KCND3: variants seen among roughly 807,000 people sequenced by gnomAD.
KCND3 encodes potassium voltage-gated channel subfamily D member 3.
In KCND3, 9 loss-of-function variants were observed where a neutral mutation model predicts 51.1. The ratio of observed to expected loss-of-function variants is 0.18; its 90% CI spans 0.11 to 0.31. The LOEUF is 0.31. Ranked by LOEUF, KCND3 falls within the 10% of genes least tolerant of loss-of-function variation. The pLI is 1.00. For synonymous variants in KCND3, 349 were observed against 368.0 expected (o/e 0.95, Z 0.59); for missense variants, 526 against 903.8 (o/e 0.58, Z 5.36).
Position 111,886,205 on chromosome 1 carries a change from A to G in KCND3, c.1106+95416T>C, listed in dbSNP as rs72979295. Among the ~76,000 whole-genome samples the G allele has an allele frequency of 4.4e-3, 666 of 152,344 alleles. 4 individuals carry two copies. Among genetic ancestry groups the G allele is most frequent in the African/African-American group, 0.016 (647 of 41,584 alleles). ...AGATGGTCACAGGCCATTAAGTCAA[A>G]CAACAAGCAGACCCACCAACATACA... is the stretch of plus-strand genomic sequence containing the variant. On this transcript the variant is annotated intron_variant, in intron 2 of 7. Coordinates refer to ENST00000302127, the MANE Select transcript of KCND3 (RefSeq NM_001378969.1).
At chr1:111,940,283 G>T (rs1489792519) in intron 2 of KCND3, among the ~76,000 whole-genome samples, 2 of 150,828 alleles carry the variant, frequency 1.3e-5, no homozygotes, top group East Asian at 1.9e-4. Context: ...TTGGTGTTTT[G>T]GTCATGGAGT....
chr1:111,890,856 T>C (rs1486400139), intron 2 of KCND3, among the ~76,000 whole-genome samples: 4 of 152,172 alleles, frequency 2.6e-5, no homozygotes, highest in African/African-American at 9.7e-5. Flanking sequence ...CAACCATCTC[T>C]TACCTGAGAG....
Position 111,780,597 on chromosome 1 carries a change from G to A in KCND3, c.1371+93C>T, listed in dbSNP as rs1664333187. ...ACGTGTCCTCCTTGGGGTTCATACT[G>A]GGGCTCTGGTGAGAGTGCTGGTGTC... On this transcript the variant is annotated intron_variant, in intron 4 of 7. Transcript: ENST00000302127. This position sits in a 1 kb window ranked among gnomAD's most constrained non-coding sequence, Gnocchi z 4.2. 5 of 1,137,468 alleles carry A rather than the reference G, an allele frequency of 4.4e-6. No individual in the cohort carries two copies. Among genetic ancestry groups the A allele is most frequent in the East Asian group, 5.1e-5 (2 of 39,106 alleles). 70.5% of individuals were successfully genotyped at this position (1,137,468 alleles called of 1,614,324 possible).
At chr1:111,916,129 T>C (rs1671207058) in intron 2 of KCND3, among the ~76,000 whole-genome samples, 1 of 152,202 alleles carries the variant, frequency 6.6e-6, no homozygotes, top group Non-Finnish European at 1.5e-5. Flanking sequence ...ATCCACATTG[T>C]CTTCAGGTGC....
intron 2 of KCND3, among the ~76,000 whole-genome samples, chr1:111,857,630 C>A (rs893193854): frequency 2.6e-5 from 4 of 151,672 alleles, no homozygotes; most frequent in African/African-American, 9.7e-5. Flanking sequence ...GCTGTCTTCT[C>A]CTCTCTGTTC....
At position 111,882,562 on chromosome 1, in the gene KCND3, G is replaced by A. The variant is rs541055508; in HGVS notation, c.1107-95456C>T. 1.8e-4 allele frequency among the ~76,000 whole-genome samples: 27 copies of A among 152,358 alleles called. No homozygotes were observed. In the South Asian group the frequency reaches 5.2e-3, roughly 29 times the overall value. On this transcript the variant is annotated intron_variant, in intron 2 of 7. Coordinates refer to ENST00000302127, the MANE Select transcript of KCND3 (RefSeq NM_001378969.1). The stretch of plus-strand genomic sequence containing the variant: ...ACAGTGTGCAACGGAGTCTCAGGGT[G>A]TGAGTGAAGGCTGGGGCCCAGGCCC...
intron 2 of KCND3, among the ~76,000 whole-genome samples, chr1:111,944,957 A>C (rs1051243095): frequency 3.9e-5 from 6 of 152,120 alleles, no homozygotes; most frequent in Admixed American, 3.9e-4. Flanking sequence ...CTGTCACTCA[A>C]CCATGAGCCC....
intron 2 of KCND3, among the ~76,000 whole-genome samples, chr1:111,819,667 C>T (rs1441886828): frequency 1.3e-5 from 2 of 152,282 alleles, no homozygotes; most frequent in Admixed American, 6.5e-5. Context: ...AGATCCCCCT[C>T]TGCACCTGCA....
intron 2 of KCND3, among the ~76,000 whole-genome samples, chr1:111,963,821 C>A (rs1263902575): frequency 1.3e-5 from 2 of 152,192 alleles, no homozygotes; most frequent in African/African-American, 4.8e-5. Context: ...GACAGAAACG[C>A]CTAGGCAGGC....
intron 2 of KCND3, among the ~76,000 whole-genome samples, chr1:111,797,374 G>A (rs540568511): frequency 3.9e-5 from 6 of 152,154 alleles, no homozygotes; most frequent in African/African-American, 4.8e-5. Flanking sequence ...GATTCCCTGC[G>A]CACTGTCTAC....
chr1:111,836,737 T>TGG (rs574350567), intron 2 of KCND3, among the ~76,000 whole-genome samples: 31,022 of 152,050 alleles, frequency 0.2, 3,266 homozygotes, highest in African/African-American at 0.23. Flanking sequence ...CAGCGACCCC[T>TGG]GAGCCATTTT....
chr1:111,934,629 T>C (rs964349897), intron 2 of KCND3, among the ~76,000 whole-genome samples: 15 of 152,288 alleles, frequency 9.8e-5, no homozygotes, highest in African/African-American at 3.4e-4. Flanking sequence ...CAAGTAGGCA[T>C]GTGAGTGTGT....
chr1:111,811,643 C>T (rs904586056), intron 2 of KCND3, among the ~76,000 whole-genome samples: 4 of 152,140 alleles, frequency 2.6e-5, no homozygotes, highest in African/African-American at 4.8e-5. Flanking sequence ...GATCGTCCAC[C>T]CCTAGGCCAT....
chr1:111,824,849 T>C (rs929002413), intron 2 of KCND3, among the ~76,000 whole-genome samples: 3 of 152,156 alleles, frequency 2.0e-5, no homozygotes, highest in African/African-American at 7.2e-5. Flanking sequence ...CCTGCTGTTA[T>C]ATATAAATCC....
At position 111,892,157 on chromosome 1, in the gene KCND3, C is replaced by T. The variant is rs538455902; in HGVS notation, c.1106+89464G>A. ...ACCTGAAGAACAAAACCAGAACTGACGACGACGGATGAGGCAGGTGTTTCA... is the reference window on the plus strand; with the variant it reads ...ACCTGAAGAACAAAACCAGAACTGATGACGACGGATGAGGCAGGTGTTTCA... On this transcript the variant is annotated intron_variant, in intron 2 of 7. Coordinates refer to ENST00000302127, the MANE Select transcript of KCND3 (RefSeq NM_001378969.1). Among the ~76,000 whole-genome samples the T allele has an allele frequency of 4.6e-4, 70 of 152,260 alleles. 1 individual carries two copies. Among genetic ancestry groups the T allele is most frequent in the Admixed American group, 3.4e-3 (52 of 15,284 alleles).
intron 2 of KCND3, among the ~76,000 whole-genome samples, chr1:111,964,453 TGGTGG>T (rs10565014): frequency 0.98 from 148,433 of 151,924 alleles, 72,523 homozygotes; most frequent in Admixed American, 0.99. Context: ...CTGAGGCAGC[TGGTGG>T]GGTGGGGTGG....
intron 2 of KCND3, among the ~76,000 whole-genome samples, chr1:111,962,416 C>T (rs1673708770): frequency 6.6e-6 from 1 of 152,178 alleles, no homozygotes; most frequent in African/African-American, 2.4e-5. Flanking sequence ...TCCCCTTTGG[C>T]CCGGGGGAGC....
At chr1:111,827,563 A>G (rs1431385707) in intron 2 of KCND3, among the ~76,000 whole-genome samples, 1 of 152,236 alleles carries the variant, frequency 6.6e-6, no homozygotes, top group Non-Finnish European at 1.5e-5. Context: ...GCTAACTTAT[A>G]TTGAGCAGTA....
intron 2 of KCND3, among the ~76,000 whole-genome samples, chr1:111,945,107 C>T (rs554618254): frequency 5.3e-5 from 8 of 152,326 alleles, no homozygotes; most frequent in Admixed American, 2.6e-4. Flanking sequence ...GCCCCACCCA[C>T]GGACACACTG....
Sources: allele counts gnomAD v4.1 joint callset (sites outside exome capture counted in the v4.1 genomes callset), GRCh38; gene constraint gnomAD v4.1.1; non-coding constraint Gnocchi (gnomAD v3.1); transcripts MANE v1.5; gene names NCBI Gene and HGNC (gene_info 2026-07-23, HGNC 2026-07-21).